TATDN3: variants seen among roughly 807,000 people sequenced by gnomAD.
TATDN3 encodes deoxyribonuclease TATDN3.
A neutral mutation model predicts 40.1 loss-of-function variants in TATDN3; 29 were observed. The observed-to-expected ratio is 0.72, with a 90% CI of 0.54 to 0.99. TATDN3 has a LOEUF of 0.99. TATDN3 is among the 50% of genes least tolerant of loss of function. TATDN3 has a pLI of 0.00. For synonymous variants in TATDN3, 105 were observed against 117.0 expected, an observed-to-expected ratio of 0.90 and a Z score of 0.66; for missense variants, 309 against 321.9, an observed-to-expected ratio of 0.96 and a Z score of 0.31.
rs543390245 is a variant in TATDN3 at position 212,795,419 on chromosome 1, C to T, written c.99+292C>T. Among the ~76,000 whole-genome samples, 52 of 151,994 alleles carry T rather than the reference C, an allele frequency of 3.4e-4. No homozygotes were observed. The South Asian group carries it at 8.1e-3, about 24-fold the overall frequency. Reference sequence around the variant, plus strand: ...CTGAGTAGCTGGGACTATAGGCACACGTCACTGCACCCAGATAATTTTTGT... The same window carrying T: ...CTGAGTAGCTGGGACTATAGGCACATGTCACTGCACCCAGATAATTTTTGT... On this transcript the variant is annotated intron_variant, in intron 2 of 9. Transcript: ENST00000366974.
intron 1 of TATDN3, among the ~76,000 whole-genome samples, 164 bp downstream of exon 1, chr1:212,792,151 C>T (rs1661350002): frequency 6.6e-6 from 1 of 152,198 alleles, no homozygotes; most frequent in African/African-American, 2.4e-5. Context: ...CCCTATTTAA[C>T]CTCAGACATA....
intron 9 of TATDN3, among the ~76,000 whole-genome samples, chr1:212,813,051 G>A (rs1005384603): frequency 7.9e-5 from 12 of 151,990 alleles, no homozygotes; most frequent in African/African-American, 1.9e-4. Context: ...ATGAAGTAAC[G>A]TATGTGAACG....
At chr1:212,799,099 GCTC>G (rs1202342183) in intron 4 of TATDN3, among the ~76,000 whole-genome samples, 1 of 152,180 alleles carries the variant, frequency 6.6e-6, no homozygotes, top group Admixed American at 6.5e-5. Flanking sequence ...GTAGGAATAA[GCTC>G]AGTGTAGTCA....
At chr1:212,807,256 A>G (rs1662598375) in intron 7 of TATDN3, among the ~76,000 whole-genome samples, 1 of 151,270 alleles carries the variant, frequency 6.6e-6, no homozygotes, top group African/African-American at 2.4e-5. Context: ...ATATGTTTTT[A>G]TTAGTTTATT....
At chr1:212,796,794 G>A (rs1285865608) in intron 3 of TATDN3, 6 of 482,258 alleles carry the variant, frequency 1.2e-5, no homozygotes, top group Non-Finnish European at 2.2e-5. Context: ...CTGGAGTGCA[G>A]TGGCGCAATG....
intron 2 of TATDN3, among the ~76,000 whole-genome samples, chr1:212,796,224 T>C (rs1440124349): frequency 6.6e-6 from 1 of 152,212 alleles, no homozygotes; most frequent in African/African-American, 2.4e-5. Context: ...GCTTTGGACA[T>C]ATATAGACCT....
chr1:212,796,527 T>A lies in TATDN3; in HGVS notation c.110T>A (p.Val37Glu). The A allele has an allele frequency of 1.3e-6, 2 of 1,552,942 alleles. No individual in the cohort carries two copies. The highest frequency in any genetic ancestry group is 1.7e-6 in the Non-Finnish European group (2 of 1,154,400). ...TTTTTTTTTTTTCAGGCCAATGTTGTGGCCCTTGTGGCAGTTGCCGAACAT... is the reference window on the plus strand; with the variant it reads ...TTTTTTTTTTTTCAGGCCAATGTTGAGGCCCTTGTGGCAGTTGCCGAACAT... ...VLEKAKKANV[V>E]ALVAVAEHSG... The change falls in exon 3 of 10, where the codon GTG becomes GAG. Residue 37 changes from valine (V) to glutamate (E), a missense_variant. Val to Glu is a moderately radical substitution (Grantham distance 121). Transcript: ENST00000366974.
chr1:212,791,990 A>C lies in TATDN3; in HGVS notation c.66+3A>C, dbSNP rs369482556. On this transcript the variant is annotated splice_donor_region_variant and intron_variant, in intron 1 of 9. Coordinates refer to ENST00000366974, the MANE Select transcript of TATDN3 (RefSeq NM_001042552.3). ...TCTCCGCCCCGGACTTTGACCGCGT[A>C]TGTGAGGGCGATACGGGACCAGAGG... 53 of 1,613,812 alleles carry C rather than the reference A, an allele frequency of 3.3e-5. No individual in the cohort carries two copies. The highest frequency in any genetic ancestry group is 4.5e-5 in the Non-Finnish European group (53 of 1,179,928).
chr1:212,812,118 C>A, intron 8 of TATDN3, 130 bp from the exon 9 acceptor site: 1 of 564,834 alleles, frequency 1.8e-6, no homozygotes. Context: ...CAGGCGTGAG[C>A]CACCGCGCCC....
At chr1:212,796,198 T>C (rs1661743563) in intron 2 of TATDN3, among the ~76,000 whole-genome samples, 1 of 152,230 alleles carries the variant, frequency 6.6e-6, no homozygotes, top group South Asian at 2.1e-4. Context: ...CTGTGGCAGC[T>C]TAATTAGGAA....
intron 9 of TATDN3, among the ~76,000 whole-genome samples, chr1:212,814,090 G>C (rs1378250177): frequency 6.6e-6 from 1 of 151,918 alleles, no homozygotes; most frequent in African/African-American, 2.4e-5. Flanking sequence ...TAAGTGCTAA[G>C]ATTACAGGTG....
At chr1:212,814,366 T>C (rs892407778) in intron 9 of TATDN3, among the ~76,000 whole-genome samples, 2 of 152,206 alleles carry the variant, frequency 1.3e-5, no homozygotes, top group African/African-American at 2.4e-5. Context: ...TAGATACTTA[T>C]TGATAGTAAC....
intron 8 of TATDN3, among the ~76,000 whole-genome samples, 187 bp downstream of exon 8, chr1:212,808,035 A>C (rs1662644627): frequency 6.6e-6 from 1 of 152,212 alleles, no homozygotes; most frequent in Non-Finnish European, 1.5e-5. Context: ...AAATAAGGCC[A>C]GGCTCAGGGG....
At chr1:212,801,422 A>G (rs1662172694) in intron 4 of TATDN3, among the ~76,000 whole-genome samples, 2 of 152,226 alleles carry the variant, frequency 1.3e-5, no homozygotes, top group African/African-American at 4.8e-5. Flanking sequence ...TCTACTTATC[A>G]TTCTTGACTT....
intron 5 of TATDN3, 70 bp downstream of exon 5, chr1:212,802,833 A>G: frequency 9.1e-7 from 1 of 1,093,120 alleles, no homozygotes. Flanking sequence ...AATAATCTTT[A>G]GTTCAGTATT....
At chr1:212,801,144 C>T (rs1248034328) in intron 4 of TATDN3, among the ~76,000 whole-genome samples, 3 of 151,362 alleles carry the variant, frequency 2.0e-5, no homozygotes, top group Non-Finnish European at 2.9e-5. Context: ...GAGCTATGAT[C>T]GCACCACTGC....
chr1:212,814,538 AAT>A (rs1663082906), intron 9 of TATDN3, among the ~76,000 whole-genome samples: 1 of 152,218 alleles, frequency 6.6e-6, no homozygotes, highest in Non-Finnish European at 1.5e-5. Context: ...GAGATGTTAA[AAT>A]AGGAGAGGAA....
Position 212,815,269 on chromosome 1 carries a change from A to G in TATDN3, c.*113A>G, listed in dbSNP as rs1050474833. On this transcript the variant is annotated 3_prime_UTR_variant, in exon 10 of 10. Transcript: ENST00000366974. The stretch of plus-strand genomic sequence containing the variant: ...AGAAGCTGTTTTATAGGGTTATAGA[A>G]GATTGTAATTGTAGAGAAATATTTC... The G allele has an allele frequency of 8.3e-7, 1 of 1,204,262 alleles. No individual in the cohort carries two copies. The highest frequency in any genetic ancestry group is 1.6e-5 in the African/African-American group (1 of 64,302). 74.6% of individuals were successfully genotyped at this position (1,204,262 alleles called of 1,614,324 possible). A position where few individuals can be genotyped will look rare whatever the true frequency, so the allele number is the denominator to read the frequency against.
At chr1:212,793,141 G>A (rs1050854511) in intron 1 of TATDN3, among the ~76,000 whole-genome samples, 3 of 152,130 alleles carry the variant, frequency 2.0e-5, no homozygotes, top group African/African-American at 7.2e-5. Context: ...TAGATGAGGT[G>A]GGTCAGTAAG....
Sources: allele counts gnomAD v4.1 joint callset (sites outside exome capture counted in the v4.1 genomes callset), GRCh38; gene constraint gnomAD v4.1.1; transcripts MANE v1.5; gene names NCBI Gene and HGNC (gene_info 2026-07-23, HGNC 2026-07-21).